GPNMB: variants seen among roughly 807,000 people sequenced by gnomAD.
GPNMB encodes transmembrane glycoprotein NMB.
Under a neutral mutation model 57.3 loss-of-function variants are expected in GPNMB, and 71 were observed. The observed-to-expected ratio is 1.24, with a 90% confidence interval of 1.02 to 1.51. GPNMB has a LOEUF of 1.51. Among genes scored for constraint, GPNMB ranks in the 40% most tolerant of loss-of-function variants. The probability of loss-of-function intolerance (pLI) is 0.00; values close to 1 mark genes in which losing one functional copy is unlikely to be tolerated. For missense variants in GPNMB, 677 were observed against 691.9 expected (o/e 0.98, Z 0.24); for synonymous variants, 253 against 263.2 (o/e 0.96, Z 0.38).
chr7:23,259,860 C>A, intron 4 of GPNMB, 120 bp from the exon 5 acceptor site: 1 of 827,912 alleles, frequency 1.2e-6, no homozygotes, highest in Admixed American at 2.2e-5. Context: ...GCACCACAGG[C>A]CCATCCTATT....
chr7:23,270,321 G>C, intron 9 of GPNMB, 146 bp downstream of exon 9: 1 of 612,212 alleles, frequency 1.6e-6, no homozygotes, highest in Non-Finnish European at 2.9e-6. Flanking sequence ...AGGATCTGAG[G>C]ACTGGCATTA....
chr7:23,254,057 T>C (rs1782719793), intron 2 of GPNMB, 112 bp from the exon 3 acceptor site: 1 of 776,036 alleles, frequency 1.3e-6, no homozygotes, highest in Non-Finnish European at 2.0e-6. Flanking sequence ...TTTAATATAT[T>C]ATAAAGAGGC....
intron 6 of GPNMB, chr7:23,266,139 C>G (rs906146044): frequency 1.8e-5 from 3 of 166,154 alleles, no homozygotes; most frequent in East Asian, 1.7e-4. Context: ...TTAGTAGAGG[C>G]GGGGTTTCAC....
At chr7:23,250,898 C>T (rs1180342305) in intron 1 of GPNMB, 1 of 152,188 alleles carries the variant, frequency 6.6e-6, no homozygotes, top group Non-Finnish European at 1.5e-5. Context: ...TGAATTTCTT[C>T]ATATATAAAA....
rs149472924 is a variant in GPNMB, at chr7:23,260,783, C to T, written c.1018+10C>T. On this transcript the variant is annotated intron_variant, in intron 6 of 10. Coordinates refer to ENST00000258733, the MANE Select transcript of GPNMB (RefSeq NM_002510.3). The stretch of plus-strand genomic sequence containing the variant: ...CCCACCCCTTCTTTAGGTAAGGTTT[C>T]GCAGTGATCTTTGAGGGAGGCTCCT... 78 of 1,511,572 alleles carry T rather than the reference C, an allele frequency of 5.2e-5. No homozygotes were observed. The East Asian group carries it at 1.4e-3, about 27-fold the overall frequency. 93.6% of individuals were successfully genotyped at this position (1,511,572 alleles called of 1,614,324 possible). A position where few individuals can be genotyped will look rare whatever the true frequency, so the allele number is the denominator to read the frequency against.
chr7:23,263,500 T>C (rs1385537698), intron 6 of GPNMB, among the ~76,000 whole-genome samples: 1 of 151,196 alleles, frequency 6.6e-6, no homozygotes, highest in African/African-American at 2.4e-5. Context: ...TAATCCCAGC[T>C]ACTTGGGAGG....
At chr7:23,260,905 G>T in intron 6 of GPNMB, 132 bp downstream of exon 6, 1 of 650,884 alleles carries the variant, frequency 1.5e-6, no homozygotes, top group South Asian at 4.0e-5. Context: ...TCTACCTGTT[G>T]ATTTTTTAAA....
intron 10 of GPNMB, 182 bp from the exon 11 acceptor site, chr7:23,273,883 G>A (rs1476130860): frequency 5.1e-6 from 3 of 586,682 alleles, no homozygotes; most frequent in Non-Finnish European, 5.9e-6. Context: ...TAGTAAGCAG[G>A]CACATTTCTT....
At chr7:23,251,789 G>A (rs897212665) in intron 1 of GPNMB, among the ~76,000 whole-genome samples, 1 of 152,124 alleles carries the variant, frequency 6.6e-6, no homozygotes, top group African/African-American at 2.4e-5. Flanking sequence ...GCTCTCACTG[G>A]CCAGGATCAA....
At chr7:23,247,159 C>T in intron 1 of GPNMB, 2 of 544,430 alleles carry the variant, frequency 3.7e-6, no homozygotes, top group South Asian at 4.2e-5. Context: ...TGCTGCCCTT[C>T]TCTTGTGAAG....
chr7:23,260,160 T>G, intron 5 of GPNMB, 22 bp downstream of exon 5: 1 of 1,611,176 alleles, frequency 6.2e-7, no homozygotes, highest in East Asian at 2.2e-5. Context: ...GAACTCTAAC[T>G]GAGGATGAGG....
intron 9 of GPNMB, 34 bp downstream of exon 9, chr7:23,270,209 A>G: frequency 7.0e-7 from 1 of 1,428,882 alleles, no homozygotes; most frequent in Admixed American, 1.7e-5. Flanking sequence ...TGAGCATTTC[A>G]TACTGCAAGT....
At chr7:23,265,324 C>T (rs1223686967) in intron 6 of GPNMB, among the ~76,000 whole-genome samples, 1 of 152,184 alleles carries the variant, frequency 6.6e-6, no homozygotes, top group Non-Finnish European at 1.5e-5. Flanking sequence ...GCTTTGATGT[C>T]CTTCCCCAAG....
intron 1 of GPNMB, chr7:23,247,765 C>CG (rs1782567408): frequency 1.3e-5 from 2 of 152,294 alleles, no homozygotes. Context: ...GCGCCCTAAC[C>CG]CTCAGTCTCC....
rs1204384348 is a variant in GPNMB, at chr7:23,273,613, A to T, written c.1522A>T (p.Lys508Ter). ...CACTGTGATCTCCCTCTTGGTGTAC[A>T]AGTAAGTTTTTGGTTCCTACGCTTT... ...FVTVISLLVY[K>*]KHKEYNPIEN... is the part of the protein sequence containing the mutation. Residue 508 changes from lysine (K) to a stop codon, truncating the protein, a stop_gained and splice_region_variant, in exon 10 of 11, where the codon AAA becomes TAA. Coordinates refer to ENST00000258733, the MANE Select transcript of GPNMB (RefSeq NM_002510.3). LOFTEE classifies it low-confidence loss of function (END_TRUNC). The T allele has an allele frequency of 6.2e-7, 1 of 1,600,376 alleles. No homozygotes were observed. The highest frequency in any genetic ancestry group is 8.6e-7 in the Non-Finnish European group (1 of 1,167,548).
chr7:23,269,420 G>A (rs906824450), intron 8 of GPNMB, among the ~76,000 whole-genome samples: 1 of 151,978 alleles, frequency 6.6e-6, no homozygotes, highest in African/African-American at 2.4e-5. Context: ...ACTATTGAGA[G>A]GAATAAGCAA....
intron 1 of GPNMB, among the ~76,000 whole-genome samples, chr7:23,250,140 A>T (rs563047717): frequency 5.3e-5 from 8 of 152,224 alleles, no homozygotes; most frequent in African/African-American, 1.4e-4. Context: ...TCTTATAGTG[A>T]GTTTTGAAAA....
intron 9 of GPNMB, 88 bp from the exon 10 acceptor site, chr7:23,273,433 C>T (rs918468858): frequency 1.1e-5 from 9 of 809,074 alleles, no homozygotes; most frequent in Non-Finnish European, 1.9e-5. Context: ...TCTGTGACGG[C>T]TCCCTTCCTC....
Position 23,274,278 on chromosome 7 carries a change from C to A in GPNMB, c.*54C>A. On this transcript the variant is annotated 3_prime_UTR_variant, in exon 11 of 11. Coordinates refer to ENST00000258733, the MANE Select transcript of GPNMB (RefSeq NM_002510.3). ...TTCAGTGCCATTGATGTGAGATGTGCTGGAGTGGCTATTAACCTTTTTTTC... is the reference window on the plus strand; with the variant it reads ...TTCAGTGCCATTGATGTGAGATGTGATGGAGTGGCTATTAACCTTTTTTTC... The A allele has an allele frequency of 7.6e-7, 1 of 1,314,582 alleles. No homozygotes were observed. The highest frequency in any genetic ancestry group is 1.1e-6 in the Non-Finnish European group (1 of 924,128). 81.4% of individuals were successfully genotyped at this position (1,314,582 alleles called of 1,614,324 possible). A position where few individuals can be genotyped will look rare whatever the true frequency, so the allele number is the denominator to read the frequency against.
Sources: gnomAD v4.1 joint callset for allele counts (sites outside exome capture counted in the v4.1 genomes callset) on GRCh38, gnomAD v4.1.1 for gene constraint, MANE v1.5 for transcripts, NCBI Gene and HGNC (gene_info 2026-07-23, HGNC 2026-07-21) for gene names.